The following GNG2 variants were observed in gnomAD, a reference collection of about 807,000 sequenced individuals.
GNG2 encodes the protein G protein subunit gamma 2.
Under a neutral mutation model 5.5 loss-of-function variants are expected in GNG2, and 5 were observed. The observed-to-expected ratio is 0.91, with a 90% confidence interval of 0.48 to 1.92. The LOEUF is 1.92. Ranked by LOEUF, GNG2 falls within the 30% of genes most tolerant of loss-of-function variation. The pLI is 0.01. For synonymous variants in GNG2, 28 were observed against 32.0 expected (o/e 0.88, Z 0.42); for missense variants, 55 against 88.4 (o/e 0.62, Z 1.52).
intron 3 of GNG2, among the ~76,000 whole-genome samples, chr14:51,960,874 C>A (rs532792963): frequency 1.6e-4 from 25 of 152,286 alleles, no homozygotes; most frequent in African/African-American, 6.0e-4. Flanking sequence ...TTGCTCCTTC[C>A]TGATATTCTT....
chr14:51,853,130 C>G (rs1247027881), intron 2 of GNG2, among the ~76,000 whole-genome samples: 2 of 152,156 alleles, frequency 1.3e-5, no homozygotes, highest in Non-Finnish European at 2.9e-5. Context: ...ATAAAATGTT[C>G]TGGTATTTTC....
intron 2 of GNG2, among the ~76,000 whole-genome samples, chr14:51,848,360 C>T (rs1165569576): frequency 6.6e-6 from 1 of 152,164 alleles, no homozygotes; most frequent in Non-Finnish European, 1.5e-5. Context: ...CGTGGCTGTA[C>T]ATCACACTCA....
At chr14:51,844,875 G>A (rs554886647) in intron 2 of GNG2, among the ~76,000 whole-genome samples, 2 of 152,230 alleles carry the variant, frequency 1.3e-5, no homozygotes, top group South Asian at 2.1e-4. Context: ...ACAGGCGCAC[G>A]CCACCAGGCC....
At chr14:51,913,297 C>T (rs3742541) in intron 2 of GNG2, 31,706 of 151,888 alleles carry the variant, frequency 0.21, 4,484 homozygotes, top group African/African-American at 0.4. Context: ...TCCCTTGGGG[C>T]CAGGAGTTTG....
intron 1 of GNG2, among the ~76,000 whole-genome samples, chr14:51,872,634 C>T (rs192005537): frequency 1.6e-4 from 24 of 152,282 alleles, no homozygotes; most frequent in Admixed American, 6.5e-4. Context: ...GAAGATAACG[C>T]GCTGAGCCAT....
In GNG2 at chr14:51,911,762, G is replaced by A. The variant is rs1039041419; in HGVS notation, c.-30+34105G>A. Among the ~76,000 whole-genome samples, 7 of 147,378 alleles carry A rather than the reference G, an allele frequency of 4.7e-5. 1 individual carries two copies. The South Asian group carries it at 8.8e-4, about 19-fold the overall frequency. ...AGGGTCTCACTATATTTCCCAGACC[G>A]GTCTCCAAACTCCTAGCCTCCAGTG... On this transcript the variant is annotated intron_variant, in intron 2 of 3. Coordinates refer to ENST00000556766, the MANE Select transcript of GNG2 (RefSeq NM_053064.5).
intron 3 of GNG2, 63 bp from the exon 4 acceptor site, chr14:51,966,496 A>C: frequency 6.8e-7 from 1 of 1,475,436 alleles, no homozygotes. Context: ...TGGGCTCTAA[A>C]GCCTTGGGCC....
intron 3 of GNG2, among the ~76,000 whole-genome samples, chr14:51,963,262 C>G (rs1889715785): frequency 1.3e-5 from 2 of 152,130 alleles, no homozygotes; most frequent in Admixed American, 1.3e-4. Flanking sequence ...AAGATATGAG[C>G]AGCTCTAAGT....
intron 1 of GNG2, among the ~76,000 whole-genome samples, chr14:51,827,020 G>A (rs1039939485): frequency 6.6e-6 from 1 of 152,170 alleles, no homozygotes; most frequent in African/African-American, 2.4e-5. Context: ...GAGAGGTGTA[G>A]TTCAGGTAAT....
chr14:51,940,213 CTGTTT>C (rs145286184), intron 2 of GNG2: 6,258 of 152,270 alleles, frequency 0.041, 382 homozygotes, highest in African/African-American at 0.14. Context: ...TGGAAGGCTC[CTGTTT>C]TGTTTTGTTT....
chr14:51,933,768 G>A (rs2140249692), intron 2 of GNG2, among the ~76,000 whole-genome samples: 1 of 152,300 alleles, frequency 6.6e-6, no homozygotes, highest in African/African-American at 2.4e-5. Flanking sequence ...AGGTAAGTTG[G>A]TCATGGGAGA....
chr14:51,938,453 A>G (rs1050452082), intron 2 of GNG2, among the ~76,000 whole-genome samples: 2 of 152,204 alleles, frequency 1.3e-5, no homozygotes, highest in Non-Finnish European at 2.9e-5. Context: ...TCCATAATTA[A>G]CAATGTGCTG....
At position 51,912,155 on chromosome 14, in the gene GNG2, C is replaced by T. The variant is rs61108871; in HGVS notation, c.-30+34498C>T. 4.7e-5 allele frequency among the ~76,000 whole-genome samples: 6 copies of T among 126,496 alleles called. 1 individual carries two copies. The East Asian group carries it at 2.0e-3, about 42-fold the overall frequency. 83.0% of individuals were successfully genotyped at this position (126,496 alleles called of 152,430 possible). On this transcript the variant is annotated intron_variant, in intron 2 of 3. Transcript: ENST00000556766. ...GAGACTCAAACTTGGGCAGTGTGGC[C>T]CAGAGCCCAAGCTCTTGACCACTTT... is the stretch of plus-strand genomic sequence containing the variant.
At chr14:51,887,840 C>T (rs1366502948) in intron 2 of GNG2, among the ~76,000 whole-genome samples, 1 of 152,146 alleles carries the variant, frequency 6.6e-6, no homozygotes, top group African/African-American at 2.4e-5. Context: ...GTGTTTTCCA[C>T]ACAGTAGTCA....
chr14:51,905,105 G>A (rs1885828282), intron 2 of GNG2, among the ~76,000 whole-genome samples: 1 of 152,158 alleles, frequency 6.6e-6, no homozygotes, highest in Non-Finnish European at 1.5e-5. Flanking sequence ...TATATTCTCT[G>A]CAACTTCTGA....
At chr14:51,879,890 T>C (rs1345810515) in intron 2 of GNG2, among the ~76,000 whole-genome samples, 1 of 152,204 alleles carries the variant, frequency 6.6e-6, no homozygotes, top group African/African-American at 2.4e-5. Context: ...GGACTGAACA[T>C]ATTTGGGGCC....
chr14:51,868,951 T>C (rs565240978), intron 1 of GNG2, among the ~76,000 whole-genome samples: 1 of 152,232 alleles, frequency 6.6e-6, no homozygotes, highest in Non-Finnish European at 1.5e-5. Flanking sequence ...ACCATTCTTA[T>C]TGTTTAAAAT....
chr14:51,858,000 A>G (rs1415106164), upstream of GNG2, among the ~76,000 whole-genome samples: 1 of 152,242 alleles, frequency 6.6e-6, no homozygotes, highest in Admixed American at 6.5e-5. Context: ...TGTAAGAAAT[A>G]CAAGGTATTA....
intron 2 of GNG2, among the ~76,000 whole-genome samples, chr14:51,853,113 T>A (rs965329078): frequency 6.6e-6 from 1 of 152,248 alleles, no homozygotes; most frequent in Non-Finnish European, 1.5e-5. Flanking sequence ...AATTTTTAGC[T>A]GATTTTATAA....
Sources: allele counts gnomAD v4.1 joint callset (sites outside exome capture counted in the v4.1 genomes callset), GRCh38; gene constraint gnomAD v4.1.1; transcripts MANE v1.5; gene names NCBI Gene and HGNC (gene_info 2026-07-23, HGNC 2026-07-21).